The following XIAP variants were observed in gnomAD, a reference collection of about 807,000 sequenced individuals.
XIAP encodes the protein E3 ubiquitin-protein ligase XIAP.
In XIAP, 3 loss-of-function variants were observed where a neutral mutation model predicts 33.1. The observed-to-expected ratio is 0.09, with a 90% confidence interval of 0.04 to 0.23. The LOEUF is 0.23. Among genes scored for constraint, XIAP ranks in the 10% least tolerant of loss-of-function variants. XIAP has a pLI of 1.00. For missense variants in XIAP, 264 were observed against 363.0 expected, an observed-to-expected ratio of 0.73 and a Z score of 2.22; for synonymous variants, 98 against 121.3, an observed-to-expected ratio of 0.81 and a Z score of 1.26.
chrX:123,869,847 C>A (rs906697938), intron 1 of XIAP, among the ~76,000 whole-genome samples: 33 of 112,605 alleles, frequency 2.9e-4, no homozygotes, highest in African/African-American at 1.0e-3. Context: ...TTGTAAAGCA[C>A]ATTACATATG....
chrX:123,870,106 C>T (rs1249825046), intron 1 of XIAP, among the ~76,000 whole-genome samples: 1 of 112,342 alleles, frequency 8.9e-6, no homozygotes, highest in Non-Finnish European at 1.9e-5. Context: ...ACTACAGGCA[C>T]GCGCCACCAC....
At chrX:123,892,010 T>G (rs778162592) in intron 4 of XIAP, among the ~76,000 whole-genome samples, 8 of 111,226 alleles carry the variant, frequency 7.2e-5, no homozygotes, top group Non-Finnish European at 1.5e-4. Flanking sequence ...TAATGTGCTT[T>G]GTACTCATAA....
At chrX:123,868,424 A>C (rs945021727) in intron 1 of XIAP, among the ~76,000 whole-genome samples, 1 of 110,891 alleles carries the variant, frequency 9.0e-6, no homozygotes, top group African/African-American at 3.3e-5. Context: ...TTGTCAAGGA[A>C]AAAAATTCCA....
At chrX:123,880,544 C>CT (rs2053291297) in intron 1 of XIAP, among the ~76,000 whole-genome samples, 1 of 108,622 alleles carries the variant, frequency 9.2e-6, no homozygotes, top group Non-Finnish European at 1.9e-5. Context: ...CAATTCCAGC[C>CT]TGGCCAACAT....
chrX:123,885,019 T>C (rs191419367), intron 1 of XIAP, among the ~76,000 whole-genome samples: 2 of 109,919 alleles, frequency 1.8e-5, no homozygotes, highest in East Asian at 5.6e-4. Flanking sequence ...TAGAGGGCAG[T>C]GTTACATATA....
rs1347194836 is a variant in XIAP at position 123,912,856 on chromosome X, A to C, written c.*5675A>C. The C allele has an allele frequency of 2.1e-5, 7 of 326,496 alleles. No homozygotes were observed. The East Asian group carries it at 6.9e-4, about 32-fold the overall frequency. 26.9% of individuals were successfully genotyped at this position (326,496 alleles called of 1,213,427 possible). ...TTCTTAGTAGAGACAGGGTTTCACC[A>C]TGTTGGCCAGGCTAGTCTTGAATTT... On this transcript the variant is annotated 3_prime_UTR_variant, in exon 7 of 7. Coordinates refer to ENST00000371199, the MANE Select transcript of XIAP (RefSeq NM_001167.4).
At chrX:123,880,481 T>A (rs5958333) in intron 1 of XIAP, among the ~76,000 whole-genome samples, 39,677 of 103,511 alleles carry the variant, frequency 0.38, 6,149 homozygotes, top group African/African-American at 0.48. Context: ...TCACACCTGT[T>A]ATCCCAGCAC....
chrX:123,897,657 G>A (rs2053473653), intron 5 of XIAP, among the ~76,000 whole-genome samples: 1 of 111,341 alleles, frequency 9.0e-6, no homozygotes, highest in Non-Finnish European at 1.9e-5. Flanking sequence ...CCGACTCCCG[G>A]GTTCAAGCGA....
chrX:123,870,792 GA>G (rs770630668), intron 1 of XIAP, among the ~76,000 whole-genome samples: 4 of 107,263 alleles, frequency 3.7e-5, no homozygotes, highest in African/African-American at 1.0e-4. Flanking sequence ...TGTCCCAGAA[GA>G]AAAAAAAAAG....
At chrX:123,859,892 G>T (rs1019685782), upstream of XIAP, 48 of 251,215 alleles carry the variant, frequency 1.9e-4, 2 homozygotes, top group Admixed American at 1.6e-3. Context: ...ATCGAGGGAC[G>T]CCCGGCCCAA....
At chrX:123,866,925 A>G (rs1257596798) in intron 1 of XIAP, among the ~76,000 whole-genome samples, 2 of 108,084 alleles carry the variant, frequency 1.9e-5, no homozygotes, top group Admixed American at 1.0e-4. Context: ...CGGCCTCCCA[A>G]TGTGCTGGGA....
Position 123,911,249 on chromosome X carries a change from G to A in XIAP, c.*4068G>A, listed in dbSNP as rs1324891689. Reference sequence around the variant, plus strand: ...TCCCAGCACTTTGGGAGGCCGAGGCGGGCAGATCACCTGAGGTCGGGAGGT... The same window carrying A: ...TCCCAGCACTTTGGGAGGCCGAGGCAGGCAGATCACCTGAGGTCGGGAGGT... On this transcript the variant is annotated 3_prime_UTR_variant, in exon 7 of 7. Coordinates refer to ENST00000371199, the MANE Select transcript of XIAP (RefSeq NM_001167.4). 4 of 319,390 alleles carry A rather than the reference G, an allele frequency of 1.3e-5. No individual in the cohort carries two copies. The highest frequency in any genetic ancestry group is 5.3e-5 in the South Asian group (2 of 37,932). The allele number at this position is 319,390 out of a possible 1,213,427, so 26.3% of individuals were successfully genotyped here.
intron 2 of XIAP, among the ~76,000 whole-genome samples, chrX:123,887,876 T>C (rs28382727): frequency 0.19 from 20,867 of 108,167 alleles, 1,481 homozygotes; most frequent in South Asian, 0.39. Flanking sequence ...CCCAGCTACT[T>C]GGGAGACTGA....
chrX:123,897,217 C>T (rs143764557), intron 5 of XIAP, among the ~76,000 whole-genome samples: 14 of 111,633 alleles, frequency 1.3e-4, no homozygotes, highest in South Asian at 3.7e-4. Context: ...CGTGAGCCAC[C>T]GTGCCCAGCG....
At chrX:123,873,890 C>A (rs55998016) in intron 1 of XIAP, 39,442 of 103,599 alleles carry the variant, frequency 0.38, 6,039 homozygotes, top group African/African-American at 0.47. Flanking sequence ...GCCCAAATTG[C>A]GCCACTGCAC....
In XIAP at chrX:123,910,401, G is replaced by A. The variant is rs757804892; in HGVS notation, c.*3220G>A. On this transcript the variant is annotated 3_prime_UTR_variant, in exon 7 of 7. Coordinates refer to ENST00000371199, the MANE Select transcript of XIAP (RefSeq NM_001167.4). Reference sequence around the variant, plus strand: ...GTTTCCATTTTAGTGGATAAAATTTGTATTTTGAACTATGAATGGAGACTA... The same window carrying A: ...GTTTCCATTTTAGTGGATAAAATTTATATTTTGAACTATGAATGGAGACTA... The A allele has an allele frequency of 2.7e-4, 87 of 327,515 alleles. No individual in the cohort carries two copies. Among genetic ancestry groups the A allele is most frequent in the African/African-American group, 2.0e-3 (76 of 37,547 alleles). 27.0% of individuals were successfully genotyped at this position (327,515 alleles called of 1,213,427 possible). A position where few individuals can be genotyped will look rare whatever the true frequency, so the allele number is the denominator to read the frequency against.
intron 6 of XIAP, among the ~76,000 whole-genome samples, chrX:123,901,740 C>T (rs2053515832): frequency 1.8e-5 from 2 of 110,436 alleles, no homozygotes. Context: ...CAATTTTTTC[C>T]TTATAGATGC....
chrX:123,893,994 T>C (rs1040701207), intron 5 of XIAP, among the ~76,000 whole-genome samples: 3 of 112,488 alleles, frequency 2.7e-5, no homozygotes, highest in Non-Finnish European at 5.6e-5. Context: ...GTGAAGTGTC[T>C]TTTTGTACCT....
upstream of XIAP, chrX:123,859,975 G>A (rs925534284): frequency 6.9e-6 from 2 of 289,020 alleles, no homozygotes; most frequent in Non-Finnish European, 1.4e-5. Context: ...CCTCCCGGCC[G>A]GGGGTGGGAG....
Sources: gnomAD v4.1 joint callset for allele counts (sites outside exome capture counted in the v4.1 genomes callset) on GRCh38, gnomAD v4.1.1 for gene constraint, MANE v1.5 for transcripts, NCBI Gene and HGNC (gene_info 2026-07-23, HGNC 2026-07-21) for gene names.